Variants in ARHGEF7 observed in about 807,000 individuals in gnomAD.
The protein encoded by ARHGEF7 is Rho guanine nucleotide exchange factor 7, also known as PAK-interacting exchange factor beta.
In ARHGEF7, 33 loss-of-function variants were observed where a neutral mutation model predicts 109.8. That is an observed-to-expected ratio of 0.30 (90% CI 0.23 to 0.40). The LOEUF (loss-of-function observed/expected upper bound fraction) is 0.40. ARHGEF7 is among the 10% of genes least tolerant of loss of function. The probability of loss-of-function intolerance (pLI) is 1.00; values close to 1 mark genes in which losing one functional copy is unlikely to be tolerated. For missense variants in ARHGEF7, 938 were observed against 1,098.5 expected, an observed-to-expected ratio of 0.85 and a Z score of 2.07; for synonymous variants, 458 against 424.6, an observed-to-expected ratio of 1.08 and a Z score of -0.97.
At chr13:111,203,069 A>T in intron 2 of ARHGEF7, 1 of 1,276,644 alleles carries the variant, frequency 7.8e-7, no homozygotes, top group Non-Finnish European at 1.0e-6. Context: ...CACATTTTTC[A>T]CATCCTGTTA....
chr13:111,226,242 T>C (rs1172583694), intron 5 of ARHGEF7, among the ~76,000 whole-genome samples: 1 of 152,158 alleles, frequency 6.6e-6, no homozygotes, highest in Non-Finnish European at 1.5e-5. Context: ...TGGAGGTTAG[T>C]GCATGAGGTT....
At chr13:111,224,858 G>A (rs2084973028) in intron 5 of ARHGEF7, among the ~76,000 whole-genome samples, 3 of 152,132 alleles carry the variant, frequency 2.0e-5, no homozygotes, top group African/African-American at 4.8e-5. Flanking sequence ...CCTCCTCTCC[G>A]GTGAGGATTG....
In ARHGEF7 at chr13:111,273,771, T is replaced by C. The variant is rs770205818; in HGVS notation, c.1074-43T>C. ...GAGATGAGAGAGCCACCATTGTCTC[T>C]CATTGCTAACCACGAGTGTCTCTCT... On this transcript the variant is annotated intron_variant, in intron 9 of 21. Coordinates refer to ENST00000646102, the MANE Select transcript of ARHGEF7 (RefSeq NM_001354046.2). The surrounding 1 kb of genome is among the most constrained non-coding windows in gnomAD (Gnocchi z 4.5). 2.5e-6 allele frequency: 4 copies of C among 1,609,814 alleles called. No homozygotes were observed. In the East Asian group the frequency reaches 8.9e-5, roughly 36 times the overall value.
chr13:111,282,934 C>T, intron 15 of ARHGEF7: 1 of 739,154 alleles, frequency 1.4e-6, no homozygotes, highest in Non-Finnish European at 2.2e-6. Flanking sequence ...GTGAGGAGCC[C>T]CACGCTCGGC....
chr13:111,241,347 C>T, intron 6 of ARHGEF7: 1 of 1,535,872 alleles, frequency 6.5e-7, no homozygotes, highest in Non-Finnish European at 8.7e-7. Context: ...GTAAGTGGCA[C>T]CCCCGGCTGC....
chr13:111,115,489 G>A lies in ARHGEF7; in HGVS notation c.-38G>A, dbSNP rs777347714. ...GCCGGGCCGCCGCTCCGAGGTGAAG[G>A]CGCGCGCCCCTCCCCGCCTGCCTCC... On this transcript the variant is annotated 5_prime_UTR_variant, in exon 1 of 22. Transcript: ENST00000646102. 1 of 1,193,826 alleles carries A rather than the reference G, an allele frequency of 8.4e-7. No individual in the cohort carries two copies. Among genetic ancestry groups the A allele is most frequent in the Non-Finnish European group, 1.1e-6 (1 of 949,282 alleles). 74.0% of individuals were successfully genotyped at this position (1,193,826 alleles called of 1,614,324 possible).
chr13:111,187,394 T>G (rs2079376808), intron 2 of ARHGEF7, among the ~76,000 whole-genome samples: 1 of 152,162 alleles, frequency 6.6e-6, no homozygotes, highest in East Asian at 1.9e-4. Context: ...CCTGAAACTG[T>G]GGCGCACACT....
intron 3 of ARHGEF7, among the ~76,000 whole-genome samples, chr13:111,208,013 G>A (rs557384079): frequency 4.6e-5 from 7 of 152,238 alleles, no homozygotes; most frequent in Non-Finnish European, 1.0e-4. Context: ...CTTTGTTTTT[G>A]TTTTTGAAGT....
chr13:111,212,951 A>G (rs909142675), intron 4 of ARHGEF7, among the ~76,000 whole-genome samples: 2 of 152,168 alleles, frequency 1.3e-5, no homozygotes, highest in Non-Finnish European at 2.9e-5. Context: ...TAGAGAAGAT[A>G]TTTACCCAAG....
chr13:111,218,112 G>T (rs137970558), intron 5 of ARHGEF7, among the ~76,000 whole-genome samples: 385 of 152,122 alleles, frequency 2.5e-3, no homozygotes, highest in Admixed American at 3.8e-3. Context: ...TTTTCCAGAC[G>T]TGAAGAGAAA....
At position 111,115,509 on chromosome 13, in the gene ARHGEF7, G is replaced by A. The variant is rs375385131; in HGVS notation, c.-18G>A. On this transcript the variant is annotated 5_prime_UTR_variant, in exon 1 of 22. Transcript: ENST00000646102. Reference sequence around the variant, plus strand: ...TGAAGGCGCGCGCCCCTCCCCGCCTGCCTCCCGGGCCGCAGCGATGAATTC... The same window carrying A: ...TGAAGGCGCGCGCCCCTCCCCGCCTACCTCCCGGGCCGCAGCGATGAATTC... 1 of 1,283,580 alleles carries A rather than the reference G, an allele frequency of 7.8e-7. No homozygotes were observed. Among genetic ancestry groups the A allele is most frequent in the South Asian group, 1.7e-5 (1 of 59,480 alleles). The allele number at this position is 1,283,580 out of a possible 1,614,324, so 79.5% of individuals were successfully genotyped here. A position where few individuals can be genotyped will look rare whatever the true frequency, so the allele number is the denominator to read the frequency against.
In ARHGEF7 at chr13:111,255,352, A is replaced by C. The variant is rs375279423; in HGVS notation, c.950+11058A>C. 1.3e-5 allele frequency among the ~76,000 whole-genome samples: 2 copies of C among 152,172 alleles called. No individual in the cohort carries two copies. Among genetic ancestry groups the C allele is most frequent in the Non-Finnish European group, 2.9e-5 (2 of 68,020 alleles). ...TGTGGGAAGAGGTGTGGCCCAGGTA[A>C]AGGTTAGGTTTGGATTGACAGCTCT... is the stretch of plus-strand genomic sequence containing the variant. On this transcript the variant is annotated intron_variant, in intron 8 of 21. Coordinates refer to ENST00000646102, the MANE Select transcript of ARHGEF7 (RefSeq NM_001354046.2). The surrounding 1 kb of genome is among the most constrained non-coding windows in gnomAD (Gnocchi z 4.1).
chr13:111,291,956 A>G lies in ARHGEF7; in HGVS notation c.2135-162A>G, dbSNP rs1027176030. On this transcript the variant is annotated intron_variant, in intron 18 of 21. Transcript: ENST00000646102. ...GTTATTGTGAAACCCAGCCGTATAT[A>G]AGGAAAAATATGCATTGTTGCCAAT... 2.0e-5 allele frequency among the ~76,000 whole-genome samples: 3 copies of G among 152,220 alleles called. No homozygotes were observed. The East Asian group carries it at 5.8e-4, about 29-fold the overall frequency.
chr13:111,174,771 G>A (rs563134566), intron 2 of ARHGEF7, among the ~76,000 whole-genome samples: 14 of 152,312 alleles, frequency 9.2e-5, no homozygotes, highest in South Asian at 4.2e-4. Context: ...TGTACGCTGG[G>A]GGTCGTAAGC....
intron 19 of ARHGEF7, chr13:111,293,479 TGTA>T: frequency 3.0e-6 from 3 of 984,986 alleles, no homozygotes; most frequent in Non-Finnish European, 3.6e-6. Flanking sequence ...TGGGATTTGT[TGTA>T]AGGAGTTTTC....
chr13:111,214,373 C>G (rs1350330547), intron 4 of ARHGEF7, among the ~76,000 whole-genome samples: 3 of 152,218 alleles, frequency 2.0e-5, no homozygotes, highest in Non-Finnish European at 4.4e-5. Flanking sequence ...GGGAAGGGGC[C>G]TGCTGCGCCT....
intron 2 of ARHGEF7, among the ~76,000 whole-genome samples, chr13:111,163,151 T>A (rs2076873670): frequency 6.6e-6 from 1 of 152,172 alleles, no homozygotes; most frequent in Non-Finnish European, 1.5e-5. Flanking sequence ...GTGTAGGACT[T>A]TAGTTAAGGA....
At position 111,190,617 on chromosome 13, in the gene ARHGEF7, C is replaced by G. The variant is rs547022195; in HGVS notation, c.253-14672C>G. ...GCTACTCCGGTTCCTGTAGCAGTAG[C>G]CATTCTTAACCCTATAAGTAGGGGT... On this transcript the variant is annotated intron_variant, in intron 2 of 21. Coordinates refer to ENST00000646102, the MANE Select transcript of ARHGEF7 (RefSeq NM_001354046.2). 6.6e-5 allele frequency among the ~76,000 whole-genome samples: 10 copies of G among 152,272 alleles called. No homozygotes were observed. In the South Asian group the frequency reaches 2.1e-3, roughly 32 times the overall value.
chr13:111,143,128 G>A (rs913189214), intron 1 of ARHGEF7, among the ~76,000 whole-genome samples: 1 of 152,182 alleles, frequency 6.6e-6, no homozygotes, highest in African/African-American at 2.4e-5. Context: ...TATGAACAGC[G>A]GAGTAGCACT....
Sources: gnomAD v4.1 joint callset for allele counts (sites outside exome capture counted in the v4.1 genomes callset) on GRCh38, gnomAD v4.1.1 for gene constraint, Gnocchi (gnomAD v3.1) non-coding constraint, MANE v1.5 for transcripts, NCBI Gene and HGNC (gene_info 2026-07-23, HGNC 2026-07-21) for gene names.